ASIC2: variants seen among roughly 807,000 people sequenced by gnomAD.
ASIC2 encodes the protein acid sensing ion channel subunit 2.
In ASIC2, 25 loss-of-function variants were observed where a neutral mutation model predicts 57.3. The ratio of observed to expected loss-of-function variants is 0.44; its 90% CI spans 0.32 to 0.61. The LOEUF (loss-of-function observed/expected upper bound fraction) is 0.61, where lower values mean the gene tolerates loss of function less well. Ranked by LOEUF, ASIC2 falls within the 20% of genes least tolerant of loss-of-function variation. The pLI, the probability that ASIC2 is intolerant of heterozygous loss-of-function variation, is 0.06. For synonymous variants in ASIC2, 319 were observed against 307.5 expected (o/e 1.04, Z -0.39); for missense variants, 641 against 738.1 (o/e 0.87, Z 1.52).
In ASIC2 at chr17:33,907,500, A is replaced by G. The variant is rs118112666; in HGVS notation, c.555+248478T>C. Among the ~76,000 whole-genome samples the G allele has an allele frequency of 2.0e-4, 30 of 152,142 alleles. No individual in the cohort carries two copies. In the East Asian group the frequency reaches 5.4e-3, roughly 28 times the overall value. ...TCTCTGAAAATGATCTCTCTTTGTCATCTAGTTTTGCTTCCCATGTGACCC... is the reference window on the plus strand; with the variant it reads ...TCTCTGAAAATGATCTCTCTTTGTCGTCTAGTTTTGCTTCCCATGTGACCC... On this transcript the variant is annotated intron_variant, in intron 1 of 9. Transcript: ENST00000359872.
Position 33,192,557 on chromosome 17 carries a change from G to T in ASIC2, c.709-80490C>A, listed in dbSNP as rs1227767202. 2.0e-5 allele frequency among the ~76,000 whole-genome samples: 3 copies of T among 152,230 alleles called. No individual in the cohort carries two copies. The East Asian group carries it at 5.8e-4, about 29-fold the overall frequency. On this transcript the variant is annotated intron_variant, in intron 1 of 9. Transcript: ENST00000225823. The stretch of plus-strand genomic sequence containing the variant: ...CCCTGCTGGACAGGCAGGGAGCAAG[G>T]AGGTGTGGCTGCTCTAAGATCCCTC...
chr17:33,876,050 G>A (rs978422768), intron 1 of ASIC2, among the ~76,000 whole-genome samples: 6 of 152,146 alleles, frequency 3.9e-5, no homozygotes, highest in Non-Finnish European at 8.8e-5. Context: ...GAGTAGAGGA[G>A]CATATTATTC....
intron 1 of ASIC2, among the ~76,000 whole-genome samples, chr17:34,119,537 A>G (rs1388245580): frequency 1.3e-5 from 2 of 151,630 alleles, no homozygotes; most frequent in Admixed American, 1.3e-4. Flanking sequence ...CCATCTCCTC[A>G]TGCCTGAATG....
intron 1 of ASIC2, among the ~76,000 whole-genome samples, chr17:34,009,630 A>T (rs1391762170): frequency 6.6e-6 from 1 of 152,230 alleles, no homozygotes; most frequent in Non-Finnish European, 1.5e-5. Context: ...TATTTCTATT[A>T]GACAGCTCTG....
intron 1 of ASIC2, among the ~76,000 whole-genome samples, chr17:33,551,386 G>A (rs1270147622): frequency 3.9e-5 from 6 of 152,144 alleles, no homozygotes; most frequent in Admixed American, 6.5e-5. Flanking sequence ...GAGGAATGAT[G>A]AGGGCATGGG....
intron 1 of ASIC2, among the ~76,000 whole-genome samples, chr17:33,679,090 T>C (rs1037422327): frequency 6.6e-6 from 1 of 152,360 alleles, no homozygotes; most frequent in South Asian, 2.1e-4. Context: ...GTTACCCCTG[T>C]TGGATAGTAG....
intron 1 of ASIC2, among the ~76,000 whole-genome samples, chr17:33,804,921 A>G (rs1238215035): frequency 1.3e-5 from 2 of 151,734 alleles, no homozygotes; most frequent in African/African-American, 4.8e-5. Flanking sequence ...TCATAAATGC[A>G]TCTGATTAGG....
chr17:33,418,082 C>T (rs1282647544), intron 1 of ASIC2, among the ~76,000 whole-genome samples: 1 of 134,476 alleles, frequency 7.4e-6, no homozygotes, highest in Admixed American at 7.3e-5. Flanking sequence ...GTGTGTGCAG[C>T]CATGCTCCAG....
intron 1 of ASIC2, among the ~76,000 whole-genome samples, chr17:33,223,901 G>C (rs1907780811): frequency 6.6e-6 from 1 of 152,226 alleles, no homozygotes; most frequent in South Asian, 2.1e-4. Flanking sequence ...TAGAGGGACA[G>C]GGTTTGCTGG....
chr17:33,659,104 C>T (rs765355334), intron 1 of ASIC2, among the ~76,000 whole-genome samples: 1 of 152,232 alleles, frequency 6.6e-6, no homozygotes, highest in Non-Finnish European at 1.5e-5. Flanking sequence ...CGCACACACT[C>T]AGACCACAGC....
At chr17:33,506,774 C>T (rs1017325098) in intron 1 of ASIC2, among the ~76,000 whole-genome samples, 24 of 152,158 alleles carry the variant, frequency 1.6e-4, no homozygotes, top group Admixed American at 1.2e-3. Flanking sequence ...TGGGGCTAAT[C>T]ATGTCTGTCT....
At chr17:34,065,418 G>A (rs1346264956) in intron 1 of ASIC2, among the ~76,000 whole-genome samples, 3 of 151,992 alleles carry the variant, frequency 2.0e-5, no homozygotes, top group African/African-American at 4.8e-5. Flanking sequence ...TATACTGCTC[G>A]GGTGATATGT....
At chr17:33,761,674 C>T (rs1910784196) in intron 1 of ASIC2, among the ~76,000 whole-genome samples, 1 of 152,074 alleles carries the variant, frequency 6.6e-6, no homozygotes, top group African/African-American at 2.4e-5. Flanking sequence ...TTCAAAATGA[C>T]ACCAGTTACC....
intron 1 of ASIC2, among the ~76,000 whole-genome samples, chr17:33,376,905 A>G (rs1909298594): frequency 6.6e-6 from 1 of 152,138 alleles, no homozygotes; most frequent in African/African-American, 2.4e-5. Flanking sequence ...CAATTCTCAC[A>G]ATCACCCCGG....
At chr17:34,022,160 C>T (rs1907187923) in intron 1 of ASIC2, among the ~76,000 whole-genome samples, 1 of 152,080 alleles carries the variant, frequency 6.6e-6, no homozygotes, top group Non-Finnish European at 1.5e-5. Flanking sequence ...CAGGATTAAG[C>T]ACCACTTCCC....
intron 1 of ASIC2, among the ~76,000 whole-genome samples, chr17:33,380,297 A>G (rs910640853): frequency 6.6e-6 from 1 of 151,054 alleles, no homozygotes; most frequent in Non-Finnish European, 1.5e-5. Context: ...AAAAAAGAAA[A>G]AGAAAAGAAA....
chr17:33,893,002 A>T (rs1227110301), intron 1 of ASIC2, among the ~76,000 whole-genome samples: 1 of 152,178 alleles, frequency 6.6e-6, no homozygotes, highest in African/African-American at 2.4e-5. Context: ...TTATGACCCA[A>T]TTTAAAGTTA....
At chr17:34,047,560 G>T (rs1175523305) in intron 1 of ASIC2, among the ~76,000 whole-genome samples, 1 of 148,996 alleles carries the variant, frequency 6.7e-6, no homozygotes, top group African/African-American at 2.5e-5. Flanking sequence ...TTACACCAAT[G>T]GGCCAAATTT....
intron 1 of ASIC2, among the ~76,000 whole-genome samples, chr17:33,611,890 C>T (rs930792169): frequency 6.6e-6 from 1 of 152,176 alleles, no homozygotes; most frequent in Non-Finnish European, 1.5e-5. Context: ...GGAATTGGCT[C>T]ATGCAGTTAT....
Sources: gnomAD v4.1 joint callset for allele counts (sites outside exome capture counted in the v4.1 genomes callset) on GRCh38, gnomAD v4.1.1 for gene constraint, MANE v1.5 for transcripts, NCBI Gene and HGNC (gene_info 2026-07-23, HGNC 2026-07-21) for gene names.